Variants in CSMD1 observed in about 807,000 individuals in gnomAD.
CSMD1 encodes CUB and Sushi multiple domains 1.
CSMD1 carries 213 observed loss-of-function variants against 417.5 expected under a neutral mutation model. That is an observed-to-expected ratio of 0.51 (90% CI 0.46 to 0.57). The LOEUF is 0.57. CSMD1 is among the 20% of genes least tolerant of loss of function. The pLI is 0.00. For synonymous variants in CSMD1, 2,862 were observed against 1,736.8 expected (o/e 1.65, Z -16.11); for missense variants, 6,923 against 4,529.7 (o/e 1.53, Z -15.17).
intron 26 of CSMD1, among the ~76,000 whole-genome samples, chr8:3,281,628 A>T (rs183881082): frequency 6.8e-6 from 1 of 146,498 alleles, no homozygotes; most frequent in Non-Finnish European, 1.5e-5. Context: ...TCAGGAAAAG[A>T]CAAAACTATG....
At chr8:4,678,733 G>T (rs932537012) in intron 1 of CSMD1, among the ~76,000 whole-genome samples, 1 of 152,094 alleles carries the variant, frequency 6.6e-6, no homozygotes, top group Non-Finnish European at 1.5e-5. Flanking sequence ...AAACACATGT[G>T]CTAATTTCAA....
intron 10 of CSMD1, among the ~76,000 whole-genome samples, chr8:3,518,890 C>T (rs779166396): frequency 5.9e-5 from 9 of 152,244 alleles, no homozygotes; most frequent in African/African-American, 1.9e-4. Flanking sequence ...ACAGTGAGTC[C>T]GTAAGACACT....
chr8:3,298,669 G>T (rs143790162), intron 25 of CSMD1, among the ~76,000 whole-genome samples: 2,577 of 152,244 alleles, frequency 0.017, 68 homozygotes, highest in African/African-American at 0.059. Context: ...GATCAGGTTG[G>T]TCTTGAACTC....
chr8:4,795,924 C>G (rs1391342246), intron 1 of CSMD1, among the ~76,000 whole-genome samples: 3 of 152,162 alleles, frequency 2.0e-5, no homozygotes, highest in African/African-American at 7.2e-5. Flanking sequence ...AAGGGAAATA[C>G]TCAAGGCTTT....
chr8:4,783,797 T>A (rs964150409), intron 1 of CSMD1, among the ~76,000 whole-genome samples: 5 of 152,180 alleles, frequency 3.3e-5, no homozygotes, highest in African/African-American at 1.2e-4. Context: ...TGTGGAGGCT[T>A]TGACACAAGG....
intron 3 of CSMD1, among the ~76,000 whole-genome samples, chr8:4,149,787 G>C (rs955624266): frequency 6.6e-6 from 1 of 152,084 alleles, no homozygotes; most frequent in Non-Finnish European, 1.5e-5. Flanking sequence ...GTTGCTTCAG[G>C]GAAGGTCACT....
intron 41 of CSMD1, among the ~76,000 whole-genome samples, chr8:3,141,375 T>C (rs1818428738): frequency 6.6e-6 from 1 of 152,212 alleles, no homozygotes; most frequent in South Asian, 2.1e-4. Context: ...ATTGAATTAA[T>C]TTGGGAAGGA....
intron 3 of CSMD1, among the ~76,000 whole-genome samples, chr8:4,125,238 C>G (rs1023007702): frequency 6.6e-6 from 1 of 152,192 alleles, no homozygotes. Context: ...TAGGGCCAAC[C>G]TGCCTCCCAT....
At chr8:4,839,355 A>C (rs547694799) in intron 1 of CSMD1, among the ~76,000 whole-genome samples, 9 of 152,340 alleles carry the variant, frequency 5.9e-5, no homozygotes, top group African/African-American at 2.2e-4. Context: ...CAACCAAGCA[A>C]ATATATTTCA....
At position 4,446,129 on chromosome 8, in the gene CSMD1, G is replaced by A. The variant is rs527277368; in HGVS notation, c.303-26064C>T. Among the ~76,000 whole-genome samples, 11 of 152,256 alleles carry A rather than the reference G, an allele frequency of 7.2e-5. No homozygotes were observed. The South Asian group carries it at 2.1e-3, about 29-fold the overall frequency. On this transcript the variant is annotated intron_variant, in intron 2 of 69. Transcript: ENST00000635120. ...AAGTTGTGATTTTGTTGTTACATTC[G>A]TTACATACGTGAGTTTTGAACTGAA... is the stretch of plus-strand genomic sequence containing the variant.
chr8:3,945,749 G>A (rs866735980), intron 5 of CSMD1, among the ~76,000 whole-genome samples: 1 of 152,150 alleles, frequency 6.6e-6, no homozygotes, highest in East Asian at 1.9e-4. Flanking sequence ...AGAAAACCAA[G>A]AAATGGGCTG....
chr8:3,964,462 G>C (rs548071081), intron 5 of CSMD1, among the ~76,000 whole-genome samples: 1 of 152,114 alleles, frequency 6.6e-6, no homozygotes, highest in Admixed American at 6.5e-5. Context: ...ACAGGTGCTG[G>C]TATGCCTCAT....
At chr8:3,592,423 T>A (rs1211556705) in intron 8 of CSMD1, among the ~76,000 whole-genome samples, 2 of 152,104 alleles carry the variant, frequency 1.3e-5, no homozygotes, top group African/African-American at 4.8e-5. Flanking sequence ...TGTTTTTCAG[T>A]CTCAAGCAGC....
chr8:4,546,256 G>C (rs1563274711), intron 2 of CSMD1, among the ~76,000 whole-genome samples: 1 of 152,184 alleles, frequency 6.6e-6, no homozygotes, highest in South Asian at 2.1e-4. Context: ...TTTCCCTCTG[G>C]AGGGTCCTTT....
In CSMD1 at chr8:4,252,139, T is replaced by G. The variant is rs947630609; in HGVS notation, c.415+167814A>C. ...AACTACTGAAACACACAATTTCAGT[T>G]TTGTTCTGTTCTTTCAGGATATATA... is the stretch of plus-strand genomic sequence containing the variant. On this transcript the variant is annotated intron_variant, in intron 3 of 69. Coordinates refer to ENST00000635120, the MANE Select transcript of CSMD1 (RefSeq NM_033225.6). Among the ~76,000 whole-genome samples the G allele has an allele frequency of 3.9e-5, 6 of 152,232 alleles. No individual in the cohort carries two copies. The South Asian group carries it at 1.2e-3, about 32-fold the overall frequency.
intron 2 of CSMD1, among the ~76,000 whole-genome samples, chr8:4,475,669 T>G (rs866813404): frequency 5.9e-5 from 6 of 101,440 alleles, no homozygotes; most frequent in Middle Eastern, 4.5e-3. Context: ...CAGGCTGGAG[T>G]GCAGTGGCAT....
chr8:4,482,228 C>G (rs1801141138), intron 2 of CSMD1, among the ~76,000 whole-genome samples: 6 of 152,082 alleles, frequency 3.9e-5, no homozygotes, highest in Admixed American at 3.9e-4. Context: ...ATTATTTTTC[C>G]AGATCCTCTC....
At chr8:4,557,262 CA>C in intron 2 of CSMD1, among the ~76,000 whole-genome samples, 1 of 152,242 alleles carries the variant, frequency 6.6e-6, no homozygotes, top group Non-Finnish European at 1.5e-5. Context: ...TTAGCTCTTA[CA>C]AGCTAAAGGC....
intron 3 of CSMD1, among the ~76,000 whole-genome samples, chr8:4,353,713 G>A (rs192368555): frequency 2.1e-4 from 32 of 151,668 alleles, no homozygotes; most frequent in African/African-American, 7.0e-4. Context: ...AATCTTCTTT[G>A]TGAACCACAG....
Sources: gnomAD v4.1 joint callset for allele counts (sites outside exome capture counted in the v4.1 genomes callset) on GRCh38, gnomAD v4.1.1 for gene constraint, MANE v1.5 for transcripts, NCBI Gene and HGNC (gene_info 2026-07-23, HGNC 2026-07-21) for gene names.